ERCC6L2: variants seen among roughly 807,000 people sequenced by gnomAD.
The protein encoded by ERCC6L2 is ERCC excision repair 6 like 2, also known as DNA excision repair protein ERCC-6-like 2.
Under a neutral mutation model 132.0 loss-of-function variants are expected in ERCC6L2, and 77 were observed. The ratio of observed to expected loss-of-function variants is 0.58; its 90% CI spans 0.49 to 0.71. The LOEUF (loss-of-function observed/expected upper bound fraction) is 0.71. ERCC6L2 is among the 30% of genes least tolerant of loss of function. The pLI is 0.00. For missense variants in ERCC6L2, 1,542 were observed against 1,837.6 expected (o/e 0.84, Z 2.94); for synonymous variants, 583 against 632.4 (o/e 0.92, Z 1.17).
At chr9:95,933,775 T>A (rs1830442094) in intron 11 of ERCC6L2, among the ~76,000 whole-genome samples, 1 of 142,728 alleles carries the variant, frequency 7.0e-6, no homozygotes, top group Non-Finnish European at 1.5e-5. Flanking sequence ...ACCCAGGAGG[T>A]GGAGGCTGCA....
At chr9:95,955,232 A>T (rs1332149840) in intron 12 of ERCC6L2, among the ~76,000 whole-genome samples, 4 of 152,170 alleles carry the variant, frequency 2.6e-5, no homozygotes, top group African/African-American at 9.7e-5. Context: ...AGTCAGATCC[A>T]CCTCATCTAC....
At chr9:95,986,322 C>T (rs1362020870) in intron 17 of ERCC6L2, among the ~76,000 whole-genome samples, 1 of 152,102 alleles carries the variant, frequency 6.6e-6, no homozygotes, top group Admixed American at 6.5e-5. Context: ...CCCCATGACA[C>T]CATAGGGATT....
chr9:95,981,485 T>A (rs1371494891), intron 17 of ERCC6L2, among the ~76,000 whole-genome samples: 1 of 152,214 alleles, frequency 6.6e-6, no homozygotes, highest in African/African-American at 2.4e-5. Context: ...CCATTGTTAT[T>A]TGATAGTACA....
intron 17 of ERCC6L2, among the ~76,000 whole-genome samples, chr9:96,003,036 C>A (rs1833743403): frequency 6.6e-6 from 1 of 152,164 alleles, no homozygotes; most frequent in African/African-American, 2.4e-5. Context: ...AGTTTATCAA[C>A]TGCAGTGAGC....
In ERCC6L2 at chr9:95,924,982, G is replaced by A. The variant is rs144979949; in HGVS notation, c.1533+1603G>A. ...GCATCATCTGGTCATATATTGATTT[G>A]GTAATGCAGACTTACAGGCTTATCA... On this transcript the variant is annotated intron_variant, in intron 9 of 18. Coordinates refer to ENST00000653738, the MANE Select transcript of ERCC6L2 (RefSeq NM_020207.7). Among the ~76,000 whole-genome samples, 61 of 152,204 alleles carry A rather than the reference G, an allele frequency of 4.0e-4. No homozygotes were observed. The East Asian group carries it at 9.7e-3, about 24-fold the overall frequency.
chr9:95,958,683 A>G (rs1172555886), intron 13 of ERCC6L2, among the ~76,000 whole-genome samples: 3 of 152,154 alleles, frequency 2.0e-5, no homozygotes, highest in Non-Finnish European at 4.4e-5. Flanking sequence ...GCAAAGTCTC[A>G]GGATACAAAA....
chr9:95,939,354 CTT>C (rs1830697051), intron 11 of ERCC6L2, among the ~76,000 whole-genome samples: 2 of 150,408 alleles, frequency 1.3e-5, no homozygotes, highest in Non-Finnish European at 3.0e-5. Context: ...AACAGGTGCT[CTT>C]AGTTTTCGTT....
chr9:95,978,200 T>C lies in ERCC6L2; in HGVS notation c.3477T>C (p.Ala1159=), dbSNP rs1168977076. Residue 1159 remains alanine, a synonymous_variant, in exon 17 of 19, where the codon GCT becomes GCC. Coordinates refer to ENST00000653738, the MANE Select transcript of ERCC6L2 (RefSeq NM_020207.7). ...TTTCTCAGCTGCCTGCTAACATAGC[T>C]GTTTGCAGTTCTAAGGTAAGAAAAA... ...KQFSQLPANI[A]VCSSKTYKEK... is the part of the protein sequence containing the mutation. 1.5e-6 allele frequency: 2 copies of C among 1,365,616 alleles called. No individual in the cohort carries two copies. Among genetic ancestry groups the C allele is most frequent in the Non-Finnish European group, 2.0e-6 (2 of 1,020,982 alleles). 84.6% of individuals were successfully genotyped at this position (1,365,616 alleles called of 1,614,324 possible).
intron 12 of ERCC6L2, chr9:95,954,702 T>C (rs1480414684): frequency 2.2e-6 from 1 of 462,654 alleles, no homozygotes. Context: ...GGACATTTTC[T>C]TAGATCCATT....
At chr9:95,907,312 T>G (rs775274802) in intron 4 of ERCC6L2, 41 bp downstream of exon 4, 1 of 1,261,934 alleles carries the variant, frequency 7.9e-7, no homozygotes, top group South Asian at 1.6e-5. Flanking sequence ...GTATTAATAG[T>G]CTACTTACAT....
At chr9:96,001,099 C>T (rs951494731) in intron 17 of ERCC6L2, among the ~76,000 whole-genome samples, 9 of 152,080 alleles carry the variant, frequency 5.9e-5, no homozygotes, top group East Asian at 1.9e-4. Flanking sequence ...TCATTCCTCC[C>T]GGTGGGCTCG....
At chr9:95,911,767 A>C (rs922392350) in intron 4 of ERCC6L2, among the ~76,000 whole-genome samples, 1 of 152,118 alleles carries the variant, frequency 6.6e-6, no homozygotes, top group Non-Finnish European at 1.5e-5. Context: ...ACTTCATTTC[A>C]GTTTTTATCA....
At chr9:95,891,217 C>CA (rs990317057) in intron 2 of ERCC6L2, among the ~76,000 whole-genome samples, 5 of 151,468 alleles carry the variant, frequency 3.3e-5, no homozygotes, top group Admixed American at 2.6e-4. Context: ...AACTCTGTCT[C>CA]AAAAAAAAGC....
rs1554741174 is a variant in ERCC6L2 at position 95,907,836 on chromosome 9, C to CACACACACACACACACACAA, written c.788+584_788+585insAACACACACACACACACACA. Among the ~76,000 whole-genome samples, 476 of 81,200 alleles carry CACACACACACACACACACAA rather than the reference C, an allele frequency of 5.9e-3. 6 individuals carry two copies. The highest frequency in any genetic ancestry group is 0.015 in the African/African-American group (408 of 26,706). The allele number at this position is 81,200 out of a possible 152,430, so 53.3% of individuals were successfully genotyped here. A position where few individuals can be genotyped will look rare whatever the true frequency, so the allele number is the denominator to read the frequency against. On this transcript the variant is annotated intron_variant, in intron 4 of 18. Transcript: ENST00000653738. The stretch of plus-strand genomic sequence containing the variant: ...TAGAGGGGCAAAAACTACACACACA[C>CACACACACACACACACACAA]ACACACACACACACACACACCCCCA...
chr9:95,930,705 C>G (rs1830296065), intron 11 of ERCC6L2, among the ~76,000 whole-genome samples: 2 of 152,094 alleles, frequency 1.3e-5, no homozygotes, highest in Admixed American at 1.3e-4. Flanking sequence ...TGAATTTTCT[C>G]TTAGATCTTT....
intron 17 of ERCC6L2, 113 bp from the exon 18 acceptor site, chr9:96,004,407 A>C (rs971528628): frequency 1.8e-5 from 9 of 502,542 alleles, no homozygotes; most frequent in Non-Finnish European, 3.0e-5. Context: ...TCAGTTGGAG[A>C]ATATGATTTA....
chr9:95,974,606 G>T (rs1278618891), intron 16 of ERCC6L2, among the ~76,000 whole-genome samples: 1 of 152,072 alleles, frequency 6.6e-6, no homozygotes, highest in African/African-American at 2.4e-5. Context: ...ATTATTCCAA[G>T]AAGTCTTGGT....
intron 17 of ERCC6L2, among the ~76,000 whole-genome samples, chr9:95,996,813 G>GC (rs1304455321): frequency 6.6e-6 from 1 of 152,350 alleles, no homozygotes; most frequent in East Asian, 1.9e-4. Context: ...AATTGACAGT[G>GC]CATCTAGTCA....
intron 17 of ERCC6L2, among the ~76,000 whole-genome samples, chr9:95,985,912 G>A (rs752333380): frequency 3.3e-5 from 5 of 152,196 alleles, no homozygotes; most frequent in African/African-American, 7.2e-5. Context: ...CCAGGGATAC[G>A]AAGATGAACA....
Sources: allele counts gnomAD v4.1 joint callset (sites outside exome capture counted in the v4.1 genomes callset), GRCh38; gene constraint gnomAD v4.1.1; transcripts MANE v1.5; gene names NCBI Gene and HGNC (gene_info 2026-07-23, HGNC 2026-07-21).